Variants in TSHZ3 observed in about 807,000 individuals in gnomAD.
The protein encoded by TSHZ3 is teashirt zinc finger homeobox 3.
A neutral mutation model predicts 64.5 loss-of-function variants in TSHZ3; 10 were observed. The observed-to-expected ratio is 0.16, with a 90% CI of 0.10 to 0.26. TSHZ3 has a LOEUF of 0.26. TSHZ3 is among the 10% of genes least tolerant of loss of function. The pLI, the probability that TSHZ3 is intolerant of heterozygous loss-of-function variation, is 1.00. For missense variants in TSHZ3, 1,242 were observed against 1,421.7 expected, an observed-to-expected ratio of 0.87 and a Z score of 2.03; for synonymous variants, 608 against 593.1, an observed-to-expected ratio of 1.03 and a Z score of -0.36.
At chr19:31,173,146 C>A (rs538792752) in intron 5 of TSHZ3, among the ~76,000 whole-genome samples, 2 of 152,234 alleles carry the variant, frequency 1.3e-5, no homozygotes, top group African/African-American at 4.8e-5. Flanking sequence ...GGATGGGGCA[C>A]ACATAGCCTG....
intron 5 of TSHZ3, among the ~76,000 whole-genome samples, chr19:31,203,398 T>A (rs867210088): frequency 6.6e-6 from 1 of 151,912 alleles, no homozygotes; most frequent in Non-Finnish European, 1.5e-5. Flanking sequence ...GGAATGGAAA[T>A]TGTGGAGCAT....
At chr19:31,213,331 TG>T (rs1001123705) in intron 4 of TSHZ3, among the ~76,000 whole-genome samples, 3 of 110,646 alleles carry the variant, frequency 2.7e-5, no homozygotes, top group African/African-American at 1.1e-4. Context: ...CACTCCAGCC[TG>T]AGCAACAGAG....
At position 31,277,329 on chromosome 19, in the gene TSHZ3, C is replaced by A. The variant is rs769015900; in HGVS notation, c.2464G>T (p.Val822Leu). The change falls in exon 2 of 2, where the codon GTG (valine) becomes TTG (leucine). Residue 822 changes from valine (V) to leucine (L), a missense_variant. Coordinates refer to ENST00000240587, the MANE Select transcript of TSHZ3 (RefSeq NM_020856.4). This position sits in a 1 kb window ranked among gnomAD's most constrained non-coding sequence, Gnocchi z 4.5. ...ACGGCAGATGTCTTTGCCGTTGTCA[C>A]CGTGGATGAGGAGGTTGCCGGGGCT... ...STAPATSSST[V>L]TTAKTSAVVS... The A allele has an allele frequency of 1.2e-6, 2 of 1,613,650 alleles. No individual in the cohort carries two copies. Among genetic ancestry groups the A allele is most frequent in the South Asian group, 2.2e-5 (2 of 91,062 alleles).
chr19:31,169,124 AAGAGAG>A (rs796153930), intron 5 of TSHZ3, among the ~76,000 whole-genome samples: 5 of 151,450 alleles, frequency 3.3e-5, no homozygotes, highest in East Asian at 3.9e-4. Context: ...TGAAAAAAAA[AAGAGAG>A]AGAGAGAGAG....
chr19:31,206,878 T>A (rs1216520750), intron 4 of TSHZ3, among the ~76,000 whole-genome samples: 3 of 152,194 alleles, frequency 2.0e-5, no homozygotes, highest in Admixed American at 2.0e-4. Flanking sequence ...TGAAGGCAGG[T>A]AAGTTGTTGG....
At chr19:31,318,508 A>C (rs989858408) in intron 1 of TSHZ3, among the ~76,000 whole-genome samples, 4 of 152,246 alleles carry the variant, frequency 2.6e-5, no homozygotes, top group African/African-American at 9.6e-5. Flanking sequence ...TGATAACAGT[A>C]TAAAAGCATT....
intron 1 of TSHZ3, among the ~76,000 whole-genome samples, chr19:31,288,461 A>G (rs1289148373): frequency 2.0e-5 from 3 of 152,174 alleles, no homozygotes; most frequent in African/African-American, 4.8e-5. Flanking sequence ...GCAGACCCCA[A>G]GGAAATGGCA....
At chr19:31,216,336 A>G (rs951967234) in intron 4 of TSHZ3, among the ~76,000 whole-genome samples, 1 of 152,156 alleles carries the variant, frequency 6.6e-6, no homozygotes, top group Non-Finnish European at 1.5e-5. Flanking sequence ...TGAAGACAGC[A>G]CTTTGCTGCA....
At chr19:31,342,577 T>C (rs1057501569) in intron 1 of TSHZ3, among the ~76,000 whole-genome samples, 1 of 152,208 alleles carries the variant, frequency 6.6e-6, no homozygotes, top group African/African-American at 2.4e-5. Context: ...CATTAAATTG[T>C]TCATTAAAAA....
chr19:31,258,214 C>G (rs1975937745), intron 1 of TSHZ3, among the ~76,000 whole-genome samples: 1 of 152,174 alleles, frequency 6.6e-6, no homozygotes, highest in African/African-American at 2.4e-5. Flanking sequence ...TGGTTGGGAG[C>G]AGCTCCCAAG....
intron 1 of TSHZ3, among the ~76,000 whole-genome samples, chr19:31,262,680 A>G (rs1250538825): frequency 6.6e-6 from 1 of 152,168 alleles, no homozygotes; most frequent in African/African-American, 2.4e-5. Flanking sequence ...TATTTATGCC[A>G]TAAACTGTTC....
chr19:31,338,581 C>T (rs865970339), intron 1 of TSHZ3, among the ~76,000 whole-genome samples: 699 of 118,594 alleles, frequency 5.9e-3, no homozygotes, highest in Non-Finnish European at 7.3e-3. Flanking sequence ...TTTTTTTTTT[C>T]TTTTTTTTTT....
chr19:31,279,618 A>C lies in TSHZ3; in HGVS notation c.175T>G (p.Tyr59Asp). Residue 59 changes from tyrosine (Y) to aspartate (D), a missense_variant, in exon 2 of 2, where the codon TAC becomes GAC. Physicochemically the swap from Tyr to Asp is radical, Grantham distance 160. Coordinates refer to ENST00000240587, the MANE Select transcript of TSHZ3 (RefSeq NM_020856.4). This position sits in a 1 kb window ranked among gnomAD's most constrained non-coding sequence, Gnocchi z 6.4. ...EKELARACPS[Y>D]QNSPAAEFSC... is the part of the protein sequence containing the mutation. ...AACTCGGCGGCCGGGGAGTTCTGGT[A>C]GCTGGGGCAGGCCCTGGCGAGCTCC... is the stretch of plus-strand genomic sequence containing the variant. 1 of 1,612,190 alleles carries C rather than the reference A, an allele frequency of 6.2e-7. No homozygotes were observed. Among genetic ancestry groups the C allele is most frequent in the Non-Finnish European group, 8.5e-7 (1 of 1,178,906 alleles).
At chr19:31,324,573 C>G (rs930567827) in intron 1 of TSHZ3, among the ~76,000 whole-genome samples, 10 of 152,232 alleles carry the variant, frequency 6.6e-5, no homozygotes, top group Admixed American at 5.9e-4. Context: ...AAGTGACTTA[C>G]CACTGGGTTT....
chr19:31,176,795 G>A (rs1377043765), intron 5 of TSHZ3, among the ~76,000 whole-genome samples: 3 of 151,884 alleles, frequency 2.0e-5, no homozygotes, highest in African/African-American at 7.3e-5. Flanking sequence ...CTTAAAAAAA[G>A]GAAATACTGA....
chr19:31,167,097 G>A (rs2145110183), intron 5 of TSHZ3, among the ~76,000 whole-genome samples: 1 of 152,324 alleles, frequency 6.6e-6, no homozygotes, highest in Admixed American at 6.5e-5. Flanking sequence ...GCTTCACGCA[G>A]TAGGGCTTTT....
chr19:31,306,696 G>A (rs1916308578), intron 1 of TSHZ3, among the ~76,000 whole-genome samples: 1 of 152,094 alleles, frequency 6.6e-6, no homozygotes. Flanking sequence ...GATACCCTGG[G>A]CTAGGTTTGT....
In TSHZ3 at chr19:31,349,264, C is replaced by A. The variant is rs1018554061; in HGVS notation, c.-45G>T. 6.6e-7 allele frequency: 1 copy of A among 1,511,326 alleles called. No homozygotes were observed. Among genetic ancestry groups the A allele is most frequent in the Non-Finnish European group, 8.8e-7 (1 of 1,135,114 alleles). 93.6% of individuals were successfully genotyped at this position (1,511,326 alleles called of 1,614,324 possible). On this transcript the variant is annotated 5_prime_UTR_variant, in exon 1 of 2. Coordinates refer to ENST00000240587, the MANE Select transcript of TSHZ3 (RefSeq NM_020856.4). ...CCACTGCCGCCGCCGCCGCCGCTGC[C>A]GGGCTGAGGACAGGGAGGGAGGGGG...
intron 3 of TSHZ3, among the ~76,000 whole-genome samples, chr19:31,235,634 CTT>C (rs1043036071): frequency 4.0e-4 from 27 of 68,004 alleles, no homozygotes; most frequent in African/African-American, 2.6e-3. Flanking sequence ...TTTCTTTCCT[CTT>C]TCTTTCTTTC....
Sources: allele counts gnomAD v4.1 joint callset (sites outside exome capture counted in the v4.1 genomes callset), GRCh38; gene constraint gnomAD v4.1.1; non-coding constraint Gnocchi (gnomAD v3.1); transcripts MANE v1.5; gene names NCBI Gene and HGNC (gene_info 2026-07-23, HGNC 2026-07-21).